The following SOX30 variants were observed in gnomAD, a reference collection of about 807,000 sequenced individuals.
The protein encoded by SOX30 is SRY-box transcription factor 30.
SOX30 carries 17 observed loss-of-function variants against 58.6 expected under a neutral mutation model. The ratio of observed to expected loss-of-function variants is 0.29; its 90% CI spans 0.20 to 0.44. The LOEUF (loss-of-function observed/expected upper bound fraction) is 0.44. Among genes scored for constraint, SOX30 ranks in the 20% least tolerant of loss-of-function variants. The pLI is 1.00. For synonymous variants in SOX30, 421 were observed against 400.2 expected, an observed-to-expected ratio of 1.05 and a Z score of -0.62; for missense variants, 951 against 965.8, an observed-to-expected ratio of 0.98 and a Z score of 0.20.
intron 2 of SOX30, chr5:157,667,662 C>A: frequency 8.2e-7 from 1 of 1,216,808 alleles, no homozygotes; most frequent in African/African-American, 1.6e-5. Flanking sequence ...CCACTTGAAC[C>A]CAGGTCGCAG....
At chr5:157,658,762 G>T (rs752488449) in intron 2 of SOX30, among the ~76,000 whole-genome samples, 2 of 152,168 alleles carry the variant, frequency 1.3e-5, no homozygotes, top group Non-Finnish European at 2.9e-5. Flanking sequence ...AATGTCAGGC[G>T]TGTGAACCAG....
chr5:157,663,279 G>C (rs943558684), intron 2 of SOX30, among the ~76,000 whole-genome samples: 1 of 152,140 alleles, frequency 6.6e-6, no homozygotes, highest in Non-Finnish European at 1.5e-5. Context: ...TCATCCCTGC[G>C]ATGCAAGACT....
chr5:157,648,180 A>G (rs1362539331), intron 2 of SOX30, among the ~76,000 whole-genome samples: 3 of 152,192 alleles, frequency 2.0e-5, no homozygotes, highest in African/African-American at 4.8e-5. Flanking sequence ...CTTTCACACT[A>G]TATCATGACA....
chr5:157,653,115 T>C (rs1759403684), upstream of SOX30, among the ~76,000 whole-genome samples: 1 of 152,182 alleles, frequency 6.6e-6, no homozygotes, highest in South Asian at 2.1e-4. Context: ...CCATCATCAT[T>C]CTCTTTCTAC....
chr5:157,626,250 A>C lies in SOX30; in HGVS notation c.*90T>G. The C allele has an allele frequency of 8.1e-7, 1 of 1,237,232 alleles. No homozygotes were observed. The highest frequency in any genetic ancestry group is 1.1e-6 in the Non-Finnish European group (1 of 917,176). The allele number at this position is 1,237,232 out of a possible 1,614,324, so 76.6% of individuals were successfully genotyped here. A position where few individuals can be genotyped will look rare whatever the true frequency, so the allele number is the denominator to read the frequency against. On this transcript the variant is annotated 3_prime_UTR_variant, in exon 5 of 5. Coordinates refer to ENST00000265007, the MANE Select transcript of SOX30 (RefSeq NM_178424.2). ...CAAATCACGACTGAAAACTTTCAACAAAGAATTCTAGGCTTTTTTTTTTCT... is the reference window on the plus strand; with the variant it reads ...CAAATCACGACTGAAAACTTTCAACCAAGAATTCTAGGCTTTTTTTTTTCT...
upstream of SOX30, among the ~76,000 whole-genome samples, chr5:157,654,577 A>C (rs1759430945): frequency 1.3e-5 from 2 of 152,204 alleles, no homozygotes; most frequent in African/African-American, 4.8e-5. Context: ...CATCTTGAGT[A>C]GGTGCTGGGT....
upstream of SOX30, among the ~76,000 whole-genome samples, chr5:157,654,126 C>CT (rs1019355664): frequency 1.5e-4 from 22 of 150,584 alleles, no homozygotes; most frequent in Non-Finnish European, 3.2e-4. Context: ...GATCGTGCCA[C>CT]TGCACTCCAG....
rs954815213 is a variant in SOX30 at position 157,651,618 on chromosome 5, C to T, written c.461G>A (p.Gly154Glu). ...PSLDQSVGPRGAVETGPRASR... is the reference protein window; with the variant it reads ...PSLDQSVGPREAVETGPRASR... ...GGCTCTAGGACCGGTTTCGACGGCCCCTCGAGGCCCCACTGACTGATCCAG... is the reference window on the plus strand; with the variant it reads ...GGCTCTAGGACCGGTTTCGACGGCCTCTCGAGGCCCCACTGACTGATCCAG... Residue 154 changes from glycine (G) to glutamate (E), a missense_variant, in exon 1 of 5, where the codon GGG (glycine) becomes GAG (glutamate). By Grantham distance (98) the Gly-to-Glu change is moderately conservative (BLOSUM62 -2). Coordinates refer to ENST00000265007, the MANE Select transcript of SOX30 (RefSeq NM_178424.2). The T allele has an allele frequency of 1.2e-6, 2 of 1,612,704 alleles. No homozygotes were observed. Among genetic ancestry groups the T allele is most frequent in the African/African-American group, 2.7e-5 (2 of 74,938 alleles).
intron 3 of SOX30, among the ~76,000 whole-genome samples, chr5:157,644,649 G>A (rs1016557045): frequency 1.2e-4 from 19 of 152,160 alleles, no homozygotes; most frequent in African/African-American, 4.1e-4. Flanking sequence ...TGGAAAAAGG[G>A]ATAAAAAGAA....
Position 157,638,272 on chromosome 5 carries a change from T to G in SOX30, c.1838A>C (p.His613Pro). The G allele has an allele frequency of 6.4e-7, 1 of 1,569,318 alleles. No individual in the cohort carries two copies. Residue 613 changes from histidine to proline, a missense_variant, in exon 4 of 5, where the codon CAT (histidine) becomes CCT (proline). Around this residue, in one of 7 missense-constraint regions of SOX30, gnomAD observed 381 missense variants for 390.0 expected, o/e 0.98. Coordinates refer to ENST00000265007, the MANE Select transcript of SOX30 (RefSeq NM_178424.2). Reference sequence around the variant, plus strand: ...AGGTCCGGGTAGGAAGTAAGGGTGATGAAAAGAGAATCTTGGTGGTGTCCC... The same window carrying G: ...AGGTCCGGGTAGGAAGTAAGGGTGAGGAAAAGAGAATCTTGGTGGTGTCCC... Reference protein sequence around the residue: ...LFGTPPRFSFHHPYFLPGPHY... With the variant: ...LFGTPPRFSFPHPYFLPGPHY...
chr5:157,655,698 T>C (rs1759458807), upstream of SOX30, among the ~76,000 whole-genome samples: 1 of 152,164 alleles, frequency 6.6e-6, no homozygotes, highest in African/African-American at 2.4e-5. Flanking sequence ...TTTCTGTGGC[T>C]TCCCTGAACG....
Position 157,626,655 on chromosome 5 carries a change from A to G in SOX30, c.1947T>C (p.Leu649=). Residue 649 remains leucine (L), a synonymous_variant, in exon 5 of 5, where the codon CTT becomes CTC. Transcript: ENST00000265007. The part of the protein sequence containing the change: ...GNFPSSMPEC[L]SYYEDRYPKH... ...TTGGGTACCTGTCTTCATAATAACTAAGGCATTCTGGCATTGAACTCGGAA... is the reference window on the plus strand; with the variant it reads ...TTGGGTACCTGTCTTCATAATAACTGAGGCATTCTGGCATTGAACTCGGAA... 1.2e-6 allele frequency: 2 copies of G among 1,614,032 alleles called. No homozygotes were observed. The highest frequency in any genetic ancestry group is 1.7e-6 in the Non-Finnish European group (2 of 1,179,996).
chr5:157,628,999 T>C (rs777536338), intron 4 of SOX30, among the ~76,000 whole-genome samples: 11 of 152,148 alleles, frequency 7.2e-5, no homozygotes, highest in Non-Finnish European at 1.3e-4. Flanking sequence ...TCTCTATCCA[T>C]TGAATTCCAC....
intron 2 of SOX30, among the ~76,000 whole-genome samples, chr5:157,665,831 C>G (rs1158458214): frequency 1.3e-5 from 2 of 151,182 alleles, no homozygotes; most frequent in Non-Finnish European, 2.9e-5. Context: ...AGGAACTTCA[C>G]TAAGATTACA....
chr5:157,651,727 C>A lies in SOX30; in HGVS notation c.352G>T (p.Gly118Cys), dbSNP rs1256849487. The part of the protein sequence containing the change: ...RLLQPPTASD[G>C]ATSRPELHPV... ...TGCAACTCGGGCCTGGAGGTGGCGC[C>A]GTCTGACGCTGTCGGCGGCTGCAGG... Residue 118 changes from glycine to cysteine, a missense_variant, in exon 1 of 5, where the codon GGC (glycine) becomes TGC (cysteine). Around this residue, in one of 7 missense-constraint regions of SOX30, gnomAD observed 363 missense variants for 294.5 expected, o/e 1.23. Coordinates refer to ENST00000265007, the MANE Select transcript of SOX30 (RefSeq NM_178424.2). The A allele has an allele frequency of 6.4e-7, 1 of 1,570,004 alleles. No individual in the cohort carries two copies. The highest frequency in any genetic ancestry group is 8.6e-7 in the Non-Finnish European group (1 of 1,160,314).
intron 2 of SOX30, among the ~76,000 whole-genome samples, chr5:157,663,649 G>T (rs1329052770): frequency 2.0e-5 from 3 of 152,198 alleles, no homozygotes; most frequent in African/African-American, 4.8e-5. Context: ...ATTAGGAAAA[G>T]AGGAAGTCAA....
At chr5:157,654,031 T>C (rs953820411), upstream of SOX30, among the ~76,000 whole-genome samples, 3 of 152,106 alleles carry the variant, frequency 2.0e-5, no homozygotes, top group African/African-American at 7.2e-5. Flanking sequence ...TTGGGCATGG[T>C]GGCACATGCC....
At chr5:157,645,626 C>T (rs1378226240) in intron 3 of SOX30, among the ~76,000 whole-genome samples, 1 of 150,780 alleles carries the variant, frequency 6.6e-6, no homozygotes, top group Non-Finnish European at 1.5e-5. Flanking sequence ...GCTGCCACTG[C>T]ACTCCAGCCT....
chr5:157,633,279 G>A (rs1050926889), intron 4 of SOX30, among the ~76,000 whole-genome samples: 6 of 151,986 alleles, frequency 3.9e-5, no homozygotes, highest in African/African-American at 1.2e-4. Context: ...GACTGGCCTC[G>A]AACTCCACCT....
Sources: gnomAD v4.1 joint callset for allele counts (sites outside exome capture counted in the v4.1 genomes callset) on GRCh38, gnomAD v4.1.1 for gene constraint, gnomAD v4.1.1 regional missense constraint, MANE v1.5 for transcripts, NCBI Gene and HGNC (gene_info 2026-07-23, HGNC 2026-07-21) for gene names.